Variants in CCDC170 observed in about 807,000 individuals in gnomAD.
CCDC170 encodes the protein coiled-coil domain-containing protein 170.
Under a neutral mutation model 72.6 loss-of-function variants are expected in CCDC170, and 69 were observed. That is an observed-to-expected ratio of 0.95 (90% CI 0.78 to 1.16). The LOEUF (loss-of-function observed/expected upper bound fraction) is 1.16, where lower values mean the gene tolerates loss of function less well. Among genes scored for constraint, CCDC170 ranks in the 50% most tolerant of loss-of-function variants. The probability of loss-of-function intolerance (pLI) is 0.00; values close to 1 mark genes in which losing one functional copy is unlikely to be tolerated. For missense variants in CCDC170, 852 were observed against 832.5 expected (o/e 1.02, Z -0.29); for synonymous variants, 300 against 303.9 (o/e 0.99, Z 0.13).
At chr6:151,595,011 A>C (rs931346098) in intron 8 of CCDC170, among the ~76,000 whole-genome samples, 76 of 152,188 alleles carry the variant, frequency 5.0e-4, no homozygotes, top group Admixed American at 4.9e-3. Flanking sequence ...AAATATTAAA[A>C]AGGTCTTGTT....
Position 151,573,492 on chromosome 6 carries a change from G to A in CCDC170, c.1092+1G>A. On this transcript the variant is annotated splice_donor_variant, in intron 6 of 10. Transcript: ENST00000239374. LOFTEE classifies it high-confidence loss of function. The stretch of plus-strand genomic sequence containing the variant: ...CAGCCGGGAAGAAAGCAGGGACCGG[G>A]TGAGTGGGTCATGGCTGTTTACAGA... 1.2e-6 allele frequency: 2 copies of A among 1,612,646 alleles called. No homozygotes were observed. Among genetic ancestry groups the A allele is most frequent in the Non-Finnish European group, 1.7e-6 (2 of 1,179,122 alleles).
At position 151,606,917 on chromosome 6, in the gene CCDC170, T is replaced by C. The variant is rs114276356; in HGVS notation, c.1711-8526T>C. Among the ~76,000 whole-genome samples the C allele has an allele frequency of 5.4e-3, 820 of 152,298 alleles. 10 individuals are homozygous for C. The highest frequency in any genetic ancestry group is 0.017 in the African/African-American group (691 of 41,558). On this transcript the variant is annotated intron_variant, in intron 9 of 10. Transcript: ENST00000239374. ...TAAAATTTAGCTTGTTTTCTAAGTA[T>C]AGCTAGTTCTGCTTGATTTTGGCTT...
chr6:151,543,675 G>A (rs575313169), intron 3 of CCDC170, among the ~76,000 whole-genome samples: 74 of 152,090 alleles, frequency 4.9e-4, no homozygotes, highest in African/African-American at 1.7e-3. Context: ...CTGCTTCTAC[G>A]AGTTCAATTT....
chr6:151,604,267 T>C (rs977454364), intron 9 of CCDC170, among the ~76,000 whole-genome samples: 2 of 152,146 alleles, frequency 1.3e-5, no homozygotes, highest in Non-Finnish European at 2.9e-5. Context: ...TTAATTTTTT[T>C]CCCCTGAGCT....
intron 1 of CCDC170, among the ~76,000 whole-genome samples, chr6:151,502,506 T>C (rs904529282): frequency 6.6e-6 from 1 of 152,244 alleles, no homozygotes; most frequent in Admixed American, 6.5e-5. Context: ...AAGGCCATCA[T>C]AGTCTAACCT....
Position 151,494,308 on chromosome 6 carries a change from T to C in CCDC170, c.57+123T>C, listed in dbSNP as rs370961935. 585 of 1,058,054 alleles carry C rather than the reference T, an allele frequency of 5.5e-4. 1 individual carries two copies. The African/African-American group carries it at 7.3e-3, about 13-fold the overall frequency. 65.5% of individuals were successfully genotyped at this position (1,058,054 alleles called of 1,614,324 possible). The stretch of plus-strand genomic sequence containing the variant: ...GAGGCGTGGGCAGAATCAGAGCAGC[T>C]CTGTGCCCGCGAGGGCTGTGGCCTG... On this transcript the variant is annotated intron_variant, in intron 1 of 10. Coordinates refer to ENST00000239374, the MANE Select transcript of CCDC170 (RefSeq NM_025059.4).
chr6:151,544,598 A>C lies in CCDC170; in HGVS notation c.470A>C (p.Asn157Thr), dbSNP rs1782743111. The C allele has an allele frequency of 1.2e-6, 2 of 1,613,136 alleles. No homozygotes were observed. The highest frequency in any genetic ancestry group is 1.7e-5 in the Admixed American group (1 of 60,000). Residue 157 changes from asparagine to threonine, a missense_variant, in exon 4 of 11, where the codon AAT (asparagine) becomes ACT (threonine). Coordinates refer to ENST00000239374, the MANE Select transcript of CCDC170 (RefSeq NM_025059.4). ...AAGTGTTCAAAAGAAAATGAGGAGA[A>C]TAAGAAACAAGTTTCAAAGAATTGC... is the stretch of plus-strand genomic sequence containing the variant. ...LQKCSKENEENKKQVSKNCRK... is the reference protein window; with the variant it reads ...LQKCSKENEETKKQVSKNCRK...
intron 1 of CCDC170, among the ~76,000 whole-genome samples, chr6:151,502,414 T>C (rs1782005282): frequency 6.6e-6 from 1 of 152,240 alleles, no homozygotes; most frequent in African/African-American, 2.4e-5. Flanking sequence ...TGACTTCCTT[T>C]TCATTGACTG....
intron 5 of CCDC170, among the ~76,000 whole-genome samples, chr6:151,570,449 T>A (rs1776201497): frequency 6.6e-6 from 1 of 151,946 alleles, no homozygotes; most frequent in African/African-American, 2.4e-5. Context: ...AAAACAACAA[T>A]AAAAATAATA....
chr6:151,502,625 G>GGAACTCTTATTGTT (rs1782007716), intron 1 of CCDC170, among the ~76,000 whole-genome samples: 1 of 152,258 alleles, frequency 6.6e-6, no homozygotes, highest in Non-Finnish European at 1.5e-5. Context: ...ACACTGAAAA[G>GGAACTCTTATTGTT]GAACTCTTAT....
rs1251495169 is a variant in CCDC170, at chr6:151,594,320, T to C, written c.1467+1040T>C. Among the ~76,000 whole-genome samples the C allele has an allele frequency of 1.3e-5, 2 of 152,212 alleles. 1 individual carries two copies. Among genetic ancestry groups the C allele is most frequent in the Admixed American group, 1.3e-4 (2 of 15,284 alleles). ...ACCTCTCTGTCTCTGTTTCCTCATA[T>C]TTAAGATGGGGATGCTATATACCCC... On this transcript the variant is annotated intron_variant, in intron 8 of 10. Coordinates refer to ENST00000239374, the MANE Select transcript of CCDC170 (RefSeq NM_025059.4).
chr6:151,599,678 G>C (rs1363312284), intron 9 of CCDC170, among the ~76,000 whole-genome samples: 1 of 152,144 alleles, frequency 6.6e-6, no homozygotes, highest in Non-Finnish European at 1.5e-5. Context: ...AGAGAGAGCA[G>C]AATGAGGCTG....
At chr6:151,577,048 G>A (rs1332803439) in intron 6 of CCDC170, among the ~76,000 whole-genome samples, 3 of 152,038 alleles carry the variant, frequency 2.0e-5, no homozygotes, top group Admixed American at 6.6e-5. Context: ...TTTACAGCAC[G>A]TCATTTCTAC....
rs532882192 is a variant in CCDC170, at chr6:151,520,001, A to G, written c.58-16317A>G. Among the ~76,000 whole-genome samples, 8 of 152,254 alleles carry G rather than the reference A, an allele frequency of 5.3e-5. No homozygotes were observed. The East Asian group carries it at 1.3e-3, about 26-fold the overall frequency. On this transcript the variant is annotated intron_variant, in intron 1 of 10. Transcript: ENST00000239374. ...TTGTGACTATACTTTATGATCTCCT[A>G]TCTCATCCTGTGATAAAGAATGCCT...
intron 9 of CCDC170, among the ~76,000 whole-genome samples, chr6:151,611,519 G>A (rs1442523862): frequency 6.6e-6 from 1 of 151,622 alleles, no homozygotes; most frequent in Non-Finnish European, 1.5e-5. Flanking sequence ...TCTTCTATAA[G>A]AGCACTAATC....
intron 1 of CCDC170, among the ~76,000 whole-genome samples, chr6:151,513,537 G>C (rs975792392): frequency 6.7e-6 from 1 of 150,234 alleles, no homozygotes; most frequent in Admixed American, 6.7e-5. Context: ...TTCAGCCTGG[G>C]AGGCAGAGGT....
At chr6:151,513,934 A>AAG (rs1472087295) in intron 1 of CCDC170, among the ~76,000 whole-genome samples, 4 of 150,132 alleles carry the variant, frequency 2.7e-5, no homozygotes, top group African/African-American at 5.0e-5. Flanking sequence ...AAAAAAAAAA[A>AAG]AAAAAGAAAA....
At chr6:151,611,442 G>A (rs75988489) in intron 9 of CCDC170, among the ~76,000 whole-genome samples, 4,437 of 152,268 alleles carry the variant, frequency 0.029, 91 homozygotes, top group Non-Finnish European at 0.046. Context: ...ATGCTTCCTT[G>A]TTCATAGATG....
intron 1 of CCDC170, among the ~76,000 whole-genome samples, chr6:151,496,480 G>A (rs1031651421): frequency 2.6e-5 from 4 of 152,142 alleles, no homozygotes; most frequent in Non-Finnish European, 5.9e-5. Context: ...ACAATTAAAT[G>A]TTCAGTTTGC....
Sources: gnomAD v4.1 joint callset for allele counts (sites outside exome capture counted in the v4.1 genomes callset) on GRCh38, gnomAD v4.1.1 for gene constraint, MANE v1.5 for transcripts, NCBI Gene and HGNC (gene_info 2026-07-23, HGNC 2026-07-21) for gene names.